The following GC variants were observed in gnomAD, a reference collection of about 807,000 sequenced individuals.
GC encodes vitamin D-binding protein.
In GC, 43 loss-of-function variants were observed where a neutral mutation model predicts 56.7. That is an observed-to-expected ratio of 0.76 (90% CI 0.59 to 0.98). The LOEUF is 0.98. Among genes scored for constraint, GC ranks in the 50% least tolerant of loss-of-function variants. The pLI is 0.00. For synonymous variants in GC, 216 were observed against 202.7 expected (o/e 1.07, Z -0.56); for missense variants, 529 against 545.9 (o/e 0.97, Z 0.31).
At chr4:71,785,904 T>C (rs1742821486), upstream of GC, 1 of 151,842 alleles carries the variant, frequency 6.6e-6, no homozygotes, top group South Asian at 2.1e-4. Context: ...TTTAAGATAA[T>C]ACACTGTATT....
At chr4:71,744,117 A>T (rs112227196) in intron 12 of GC, among the ~76,000 whole-genome samples, 7 of 152,058 alleles carry the variant, frequency 4.6e-5, no homozygotes, top group Non-Finnish European at 1.0e-4. Context: ...TCACTGACAA[A>T]CCAAGTTTAT....
chr4:71,753,832 G>T (rs377539243), intron 10 of GC, among the ~76,000 whole-genome samples: 1 of 152,182 alleles, frequency 6.6e-6, no homozygotes, highest in Non-Finnish European at 1.5e-5. Flanking sequence ...ATTTTTAGCA[G>T]TTTTATAGGT....
At chr4:71,778,924 G>GTA (rs1202322112) in intron 1 of GC, among the ~76,000 whole-genome samples, 1 of 147,022 alleles carries the variant, frequency 6.8e-6, no homozygotes, top group Non-Finnish European at 1.5e-5. Flanking sequence ...TATTATTATT[G>GTA]GCTAAATCCA....
chr4:71,754,884 TA>T, intron 9 of GC, 93 bp downstream of exon 9: 5 of 773,498 alleles, frequency 6.5e-6, no homozygotes, highest in Non-Finnish European at 1.0e-5. Context: ...TTGTAGGCCA[TA>T]AAAAAGTAGG....
upstream of GC, among the ~76,000 whole-genome samples, chr4:71,787,666 C>G (rs1331018155): frequency 6.6e-6 from 1 of 151,750 alleles, no homozygotes; most frequent in East Asian, 1.9e-4. Context: ...AGCTTGAAGA[C>G]TGCTTTAGAA....
intron 7 of GC, 35 bp downstream of exon 7, chr4:71,758,007 G>A: frequency 1.3e-6 from 2 of 1,597,816 alleles, no homozygotes; most frequent in Middle Eastern, 1.7e-4. Flanking sequence ...TCAATACCTG[G>A]CACATGGTGA....
At chr4:71,783,505 C>T (rs935297317) in intron 1 of GC, among the ~76,000 whole-genome samples, 3 of 151,632 alleles carry the variant, frequency 2.0e-5, no homozygotes, top group Non-Finnish European at 4.4e-5. Context: ...GTATAAGATT[C>T]CTCTAAGGGG....
At chr4:71,764,637 C>T (rs1578297232) in intron 4 of GC, among the ~76,000 whole-genome samples, 2 of 152,044 alleles carry the variant, frequency 1.3e-5, no homozygotes, top group South Asian at 2.1e-4. Flanking sequence ...GTATAGATTA[C>T]TTATTTTTTG....
At chr4:71,791,704 ATGTGC>A (rs1268093362) in intron 1 of GC, among the ~76,000 whole-genome samples, 4 of 151,614 alleles carry the variant, frequency 2.6e-5, no homozygotes, top group Non-Finnish European at 5.9e-5. Flanking sequence ...TCTAGGGTAC[ATGTGC>A]ACAATGTGCA....
At chr4:71,791,937 T>G (rs964352722) in intron 1 of GC, among the ~76,000 whole-genome samples, 2 of 152,218 alleles carry the variant, frequency 1.3e-5, no homozygotes, top group African/African-American at 4.8e-5. Flanking sequence ...GTCCTTGTGA[T>G]AGTTTGCTCA....
intron 9 of GC, among the ~76,000 whole-genome samples, chr4:71,754,767 C>G (rs1303669283): frequency 6.6e-6 from 1 of 152,148 alleles, no homozygotes; most frequent in Non-Finnish European, 1.5e-5. Context: ...TATGTATGAA[C>G]ACTGAAATTT....
At chr4:71,747,488 G>T (rs893555327) in intron 11 of GC, among the ~76,000 whole-genome samples, 6 of 152,154 alleles carry the variant, frequency 3.9e-5, no homozygotes, top group Non-Finnish European at 8.8e-5. Context: ...TACTACAGGT[G>T]CTAAGTAAAT....
intron 1 of GC, among the ~76,000 whole-genome samples, chr4:71,791,884 CA>C (rs1346665460): frequency 3.3e-5 from 5 of 152,204 alleles, no homozygotes; most frequent in African/African-American, 1.2e-4. Flanking sequence ...TCTCATTGTT[CA>C]ATTCCCACCT....
intron 9 of GC, among the ~76,000 whole-genome samples, chr4:71,754,763 T>A (rs1741667291): frequency 6.6e-6 from 1 of 152,232 alleles, no homozygotes. Flanking sequence ...AATGTATGTA[T>A]GAACACTGAA....
chr4:71,802,002 T>C (rs1743265052), intron 1 of GC, among the ~76,000 whole-genome samples: 1 of 152,086 alleles, frequency 6.6e-6, no homozygotes. Flanking sequence ...AATTATTCTC[T>C]AATTTTGTGG....
At chr4:71,794,285 C>T (rs923541193) in intron 1 of GC, among the ~76,000 whole-genome samples, 2 of 152,152 alleles carry the variant, frequency 1.3e-5, no homozygotes, top group Middle Eastern at 3.2e-3. Context: ...CTGTCTGGTC[C>T]TGGACTTTAT....
rs372194035 is a variant in GC at position 71,754,528 on chromosome 4, G to A, written c.1165-20C>T. On this transcript the variant is annotated intron_variant, in intron 9 of 12. Transcript: ENST00000273951. Reference sequence around the variant, plus strand: ...AGGGCCCTGTAAGAAAACAATAATTGCATAACAAAATTATTTGTCTTGAAA... The same window carrying A: ...AGGGCCCTGTAAGAAAACAATAATTACATAACAAAATTATTTGTCTTGAAA... 8.3e-7 allele frequency: 1 copy of A among 1,209,422 alleles called. No homozygotes were observed. Among genetic ancestry groups the A allele is most frequent in the Non-Finnish European group, 1.2e-6 (1 of 820,382 alleles). 74.9% of individuals were successfully genotyped at this position (1,209,422 alleles called of 1,614,324 possible). A position where few individuals can be genotyped will look rare whatever the true frequency, so the allele number is the denominator to read the frequency against.
rs566666266 is a variant in GC at position 71,768,317 on chromosome 4, T to A, written c.245A>T (p.Asp82Val). 2.1e-5 allele frequency: 34 copies of A among 1,607,966 alleles called. No individual in the cohort carries two copies. The East Asian group carries it at 7.4e-4, about 35-fold the overall frequency. The change falls in exon 3 of 13, where the codon GAC becomes GTC. Residue 82 changes from aspartate (D) to valine (V), a missense_variant. Physicochemically the swap from Asp to Val is radical, Grantham distance 152 (BLOSUM62 -3). Coordinates refer to ENST00000273951, the MANE Select transcript of GC (RefSeq NM_000583.4). ...EACCAEGADP[D>V]CYDTRTSALS... ...GAAACCTACCCTGGTGTCATAGCAG[T>A]CAGGGTCAGCCCCTTCCGCACAGCA... is the stretch of plus-strand genomic sequence containing the variant.
chr4:71,786,069 T>C (rs1468032082), upstream of GC: 1 of 151,860 alleles, frequency 6.6e-6, no homozygotes, highest in Non-Finnish European at 1.5e-5. Context: ...TTATCTCTGC[T>C]TTTGCAATAA....
Sources: gnomAD v4.1 joint callset for allele counts (sites outside exome capture counted in the v4.1 genomes callset) on GRCh38, gnomAD v4.1.1 for gene constraint, MANE v1.5 for transcripts, NCBI Gene and HGNC (gene_info 2026-07-23, HGNC 2026-07-21) for gene names.